The following RAP2A variants were observed in gnomAD, a reference collection of about 807,000 sequenced individuals.
RAP2A encodes RAP2A, member of RAS oncogene family, also known as ras-related protein Rap-2a.
A neutral mutation model predicts 15.1 loss-of-function variants in RAP2A; 5 were observed. The ratio of observed to expected loss-of-function variants is 0.33; its 90% CI spans 0.17 to 0.70. The LOEUF (loss-of-function observed/expected upper bound fraction) is 0.70. RAP2A is among the 30% of genes least tolerant of loss of function. The pLI is 0.68. For synonymous variants in RAP2A, 110 were observed against 99.7 expected, an observed-to-expected ratio of 1.10 and a Z score of -0.62; for missense variants, 111 against 240.3, an observed-to-expected ratio of 0.46 and a Z score of 3.56.
rs1364082086 is a variant in RAP2A at position 97,464,199 on chromosome 13, T to C, written c.315-6T>C. 1.9e-6 allele frequency: 3 copies of C among 1,613,712 alleles called. No individual in the cohort carries two copies. Among genetic ancestry groups the C allele is most frequent in the African/African-American group, 2.7e-5 (2 of 74,916 alleles). ...ATGTATGTGTGTTTTGTTTATTCTC[T>C]CATAGGTATGAGAAAGTGCCAGTCA... On this transcript the variant is annotated splice_region_variant and splice_polypyrimidine_tract_variant and intron_variant, in intron 1 of 1. Coordinates refer to ENST00000245304, the MANE Select transcript of RAP2A (RefSeq NM_021033.7).
At chr13:97,458,847 G>A (rs924682421) in intron 1 of RAP2A, among the ~76,000 whole-genome samples, 1 of 151,990 alleles carries the variant, frequency 6.6e-6, no homozygotes, top group Non-Finnish European at 1.5e-5. Flanking sequence ...AAGCTGTCTC[G>A]GTGAGAAGCC....
intron 1 of RAP2A, among the ~76,000 whole-genome samples, chr13:97,435,722 T>C (rs1475950158): frequency 1.3e-5 from 2 of 152,226 alleles, no homozygotes; most frequent in African/African-American, 4.8e-5. Flanking sequence ...AGAAATGTGA[T>C]AATATCTTAG....
At chr13:97,450,736 C>T (rs2066698981) in intron 1 of RAP2A, among the ~76,000 whole-genome samples, 1 of 151,866 alleles carries the variant, frequency 6.6e-6, no homozygotes. Context: ...TTTGGGGCTT[C>T]TATTTGCAAA....
At chr13:97,451,315 C>T (rs2066701579) in intron 1 of RAP2A, among the ~76,000 whole-genome samples, 1 of 152,042 alleles carries the variant, frequency 6.6e-6, no homozygotes, top group Non-Finnish European at 1.5e-5. Flanking sequence ...GATGTGTACA[C>T]CTGTAACCAA....
chr13:97,439,810 C>G (rs914398984), intron 1 of RAP2A, among the ~76,000 whole-genome samples: 2 of 151,990 alleles, frequency 1.3e-5, no homozygotes, highest in Non-Finnish European at 2.9e-5. Context: ...TGGAGACTTC[C>G]TATATTGCAG....
intron 1 of RAP2A, among the ~76,000 whole-genome samples, chr13:97,438,922 G>T (rs953654352): frequency 2.0e-5 from 3 of 152,150 alleles, no homozygotes; most frequent in Non-Finnish European, 4.4e-5. Flanking sequence ...TAAACATTTT[G>T]ATTTCATAGA....
intron 1 of RAP2A, among the ~76,000 whole-genome samples, chr13:97,441,600 T>A (rs2066657851): frequency 1.3e-5 from 2 of 152,126 alleles, no homozygotes; most frequent in African/African-American, 4.8e-5. Context: ...AGGGGTATTT[T>A]TTTCTTTTCA....
chr13:97,449,454 C>G (rs946019908), intron 1 of RAP2A, among the ~76,000 whole-genome samples: 5 of 152,098 alleles, frequency 3.3e-5, no homozygotes, highest in African/African-American at 1.2e-4. Flanking sequence ...TTCTGTCCAT[C>G]CCTGTAATCA....
intron 1 of RAP2A, among the ~76,000 whole-genome samples, 153 bp from the exon 2 acceptor site, chr13:97,464,052 A>C (rs544882025): frequency 6.6e-6 from 1 of 152,224 alleles, no homozygotes; most frequent in Non-Finnish European, 1.5e-5. Context: ...ATGCCCTCAG[A>C]TCTAAGTATC....
chr13:97,441,749 A>G (rs1416258802), intron 1 of RAP2A: 1 of 446,674 alleles, frequency 2.2e-6, no homozygotes, highest in Non-Finnish European at 4.5e-6. Context: ...CTGTTTTTTT[A>G]CACACTTATA....
intron 1 of RAP2A, among the ~76,000 whole-genome samples, chr13:97,458,076 G>A (rs1278502924): frequency 5.9e-5 from 9 of 152,196 alleles, no homozygotes; most frequent in Middle Eastern, 3.4e-3. Context: ...TGAGTTCCAC[G>A]TCACTAAAAA....
At chr13:97,446,489 T>C (rs1489012108) in intron 1 of RAP2A, among the ~76,000 whole-genome samples, 1 of 152,250 alleles carries the variant, frequency 6.6e-6, no homozygotes, top group Non-Finnish European at 1.5e-5. Context: ...TGCAGATTCT[T>C]TGACACAACT....
rs895133990 is a variant in RAP2A, at chr13:97,445,871, A to G, written c.314+11087A>G. 5.3e-5 allele frequency among the ~76,000 whole-genome samples: 8 copies of G among 152,222 alleles called. No individual in the cohort carries two copies. In the East Asian group the frequency reaches 1.4e-3, roughly 26 times the overall value. On this transcript the variant is annotated intron_variant, in intron 1 of 1. Coordinates refer to ENST00000245304, the MANE Select transcript of RAP2A (RefSeq NM_021033.7). The stretch of plus-strand genomic sequence containing the variant: ...AGAGGTATATACATTTTAAAAGGCT[A>G]CTCTTGATGACAGAAAATGTTTATT...
Position 97,464,213 on chromosome 13 carries a change from A to G in RAP2A, c.323A>G (p.Lys108Arg). The G allele has an allele frequency of 1.9e-6, 3 of 1,614,150 alleles. No homozygotes were observed. The highest frequency in any genetic ancestry group is 2.5e-6 in the Non-Finnish European group (3 of 1,179,986). Reference sequence around the variant, plus strand: ...TGTTTATTCTCTCATAGGTATGAGAAAGTGCCAGTCATCTTGGTTGGGAAC... The same window carrying G: ...TGTTTATTCTCTCATAGGTATGAGAGAGTGCCAGTCATCTTGGTTGGGAAC... The part of the protein sequence containing the change: ...DQIIRVKRYE[K>R]VPVILVGNKV... Residue 108 changes from lysine (K) to arginine (R), a missense_variant, in exon 2 of 2, where the codon AAA (lysine) becomes AGA (arginine). Coordinates refer to ENST00000245304, the MANE Select transcript of RAP2A (RefSeq NM_021033.7).
Position 97,464,394 on chromosome 13 carries a change from T to C in RAP2A, c.504T>C (p.Ala168=). 1 of 1,614,240 alleles carries C rather than the reference T, an allele frequency of 6.2e-7. No individual in the cohort carries two copies. The highest frequency in any genetic ancestry group is 8.5e-7 in the Non-Finnish European group (1 of 1,180,030). ...AEIVRQMNYA[A]QPDKDDPCCS... Reference sequence around the variant, plus strand: ...TTGTGAGGCAGATGAACTATGCTGCTCAGCCTGACAAAGATGACCCATGCT... The same window carrying C: ...TTGTGAGGCAGATGAACTATGCTGCCCAGCCTGACAAAGATGACCCATGCT... The change falls in exon 2 of 2, where the codon GCT becomes GCC. Residue 168 remains alanine (A), a synonymous_variant. Transcript: ENST00000245304.
chr13:97,462,495 ATTGT>A (rs2066752167), intron 1 of RAP2A, among the ~76,000 whole-genome samples: 1 of 152,086 alleles, frequency 6.6e-6, no homozygotes, highest in Non-Finnish European at 1.5e-5. Context: ...GGATGCACAA[ATTGT>A]TTGTATGTAA....
rs2066762646 is a variant in RAP2A, at chr13:97,464,632, T to G, written c.*190T>G. 2 of 608,558 alleles carry G rather than the reference T, an allele frequency of 3.3e-6. No individual in the cohort carries two copies. The highest frequency in any genetic ancestry group is 3.0e-5 in the Admixed American group (1 of 33,890). 37.7% of individuals were successfully genotyped at this position (608,558 alleles called of 1,614,324 possible). ...CATTTGGGTTCAGTAACTACAGTTT[T>G]CACCATTTGTCCTCAGTCTCCTTTA... On this transcript the variant is annotated 3_prime_UTR_variant, in exon 2 of 2. Coordinates refer to ENST00000245304, the MANE Select transcript of RAP2A (RefSeq NM_021033.7).
chr13:97,444,834 T>G (rs2066673118), intron 1 of RAP2A, among the ~76,000 whole-genome samples: 1 of 152,206 alleles, frequency 6.6e-6, no homozygotes, highest in Admixed American at 6.5e-5. Flanking sequence ...AATTGTATAT[T>G]TATATATAAT....
chr13:97,452,410 C>T (rs1319974595), intron 1 of RAP2A, among the ~76,000 whole-genome samples: 1 of 151,056 alleles, frequency 6.6e-6, no homozygotes, highest in African/African-American at 2.4e-5. Context: ...GTAGCCGTAC[C>T]TTTGTCATAA....
Sources: gnomAD v4.1 joint callset for allele counts (sites outside exome capture counted in the v4.1 genomes callset) on GRCh38, gnomAD v4.1.1 for gene constraint, MANE v1.5 for transcripts, NCBI Gene and HGNC (gene_info 2026-07-23, HGNC 2026-07-21) for gene names.